ROBO1: variants seen among roughly 807,000 people sequenced by gnomAD.
The protein encoded by ROBO1 is roundabout guidance receptor 1.
Under a neutral mutation model 195.9 loss-of-function variants are expected in ROBO1, and 149 were observed. That is an observed-to-expected ratio of 0.76 (90% CI 0.67 to 0.87). The LOEUF (loss-of-function observed/expected upper bound fraction) is 0.87, where lower values mean the gene tolerates loss of function less well. Among genes scored for constraint, ROBO1 ranks in the 40% least tolerant of loss-of-function variants. The pLI is 0.00. For synonymous variants in ROBO1, 816 were observed against 733.2 expected (o/e 1.11, Z -1.82); for missense variants, 1,933 against 2,068.3 (o/e 0.93, Z 1.27).
chr3:78,995,140 A>G, intron 3 of ROBO1, among the ~76,000 whole-genome samples: 1 of 152,212 alleles, frequency 6.6e-6, no homozygotes, highest in East Asian at 1.9e-4. Flanking sequence ...TGAACAAAGA[A>G]TAATCCAAAT....
intron 1 of ROBO1, among the ~76,000 whole-genome samples, chr3:79,657,733 T>C (rs545527574): frequency 8.7e-4 from 132 of 152,266 alleles, no homozygotes; most frequent in African/African-American, 3.1e-3. Flanking sequence ...AATTTTTATA[T>C]ATAACTTATA....
intron 3 of ROBO1, among the ~76,000 whole-genome samples, chr3:79,049,791 C>A (rs1355583854): frequency 2.0e-5 from 3 of 152,072 alleles, no homozygotes; most frequent in Admixed American, 1.3e-4. Context: ...TCATATCCAG[C>A]CAAACTAAGC....
intron 3 of ROBO1, among the ~76,000 whole-genome samples, chr3:79,027,407 T>A (rs2108292965): frequency 6.6e-6 from 1 of 152,204 alleles, no homozygotes; most frequent in South Asian, 2.1e-4. Context: ...TATAACCTAT[T>A]AATCTATTTC....
intron 2 of ROBO1, among the ~76,000 whole-genome samples, chr3:79,324,361 C>A (rs2034116292): frequency 6.6e-6 from 1 of 152,094 alleles, no homozygotes; most frequent in African/African-American, 2.4e-5. Flanking sequence ...GATATAGAGA[C>A]CACTCTTACA....
intron 22 of ROBO1, 23 bp downstream of exon 22, chr3:78,639,721 C>G (rs1444438212): frequency 6.2e-7 from 1 of 1,601,620 alleles, no homozygotes; most frequent in Non-Finnish European, 8.5e-7. Context: ...TTATACATAT[C>G]AGGCTCTCTC....
chr3:78,628,599 C>T (rs1434301494), intron 25 of ROBO1, among the ~76,000 whole-genome samples: 1 of 152,142 alleles, frequency 6.6e-6, no homozygotes, highest in Non-Finnish European at 1.5e-5. Flanking sequence ...TTCCCTTGTT[C>T]ATTCTCTACC....
At position 79,285,408 on chromosome 3, in the gene ROBO1, C is replaced by T. The variant is rs150146249; in HGVS notation, c.89-159869G>A. 4.6e-3 allele frequency among the ~76,000 whole-genome samples: 706 copies of T among 152,280 alleles called. 5 individuals are homozygous for T. Among genetic ancestry groups the T allele is most frequent in the African/African-American group, 0.016 (678 of 41,556 alleles). On this transcript the variant is annotated intron_variant, in intron 2 of 30. Coordinates refer to ENST00000464233, the MANE Select transcript of ROBO1 (RefSeq NM_002941.4). ...AGGTCAAAGGTTATAAAGTTATAAACATAGAATAGCCCTTGAAACCCAGAA... is the reference window on the plus strand; with the variant it reads ...AGGTCAAAGGTTATAAAGTTATAAATATAGAATAGCCCTTGAAACCCAGAA...
intron 2 of ROBO1, among the ~76,000 whole-genome samples, chr3:79,465,104 C>T (rs906266405): frequency 2.6e-5 from 4 of 152,096 alleles, no homozygotes; most frequent in African/African-American, 9.7e-5. Flanking sequence ...TCAGGCTGGA[C>T]CAACTGCTTT....
intron 3 of ROBO1, among the ~76,000 whole-genome samples, chr3:78,993,990 T>TAA (rs879428125): frequency 1.4e-5 from 2 of 147,466 alleles, no homozygotes; most frequent in Non-Finnish European, 3.0e-5. Context: ...ATACCAGCTT[T>TAA]AAAAAAAAAA....
chr3:79,504,080 T>C (rs1314553079), intron 2 of ROBO1, among the ~76,000 whole-genome samples: 1 of 152,162 alleles, frequency 6.6e-6, no homozygotes, highest in Non-Finnish European at 1.5e-5. Context: ...GCCATATTTT[T>C]AATATTAAAA....
At chr3:78,710,746 T>C (rs1011931171) in intron 8 of ROBO1, among the ~76,000 whole-genome samples, 1 of 152,210 alleles carries the variant, frequency 6.6e-6, no homozygotes, top group African/African-American at 2.4e-5. Context: ...AGCTACACCA[T>C]TATCTTTAAC....
intron 3 of ROBO1, among the ~76,000 whole-genome samples, chr3:79,000,023 T>G (rs1019210653): frequency 6.6e-6 from 1 of 152,250 alleles, no homozygotes; most frequent in South Asian, 2.1e-4. Flanking sequence ...CTTCCTCAAT[T>G]ATTAGACAAT....
intron 2 of ROBO1, among the ~76,000 whole-genome samples, chr3:79,401,477 G>A (rs1278731273): frequency 6.6e-6 from 1 of 151,680 alleles, no homozygotes; most frequent in Admixed American, 6.6e-5. Flanking sequence ...AATAAATGAG[G>A]GAAAATTAAG....
chr3:78,810,096 A>G (rs1051301120), intron 4 of ROBO1, among the ~76,000 whole-genome samples: 1 of 152,208 alleles, frequency 6.6e-6, no homozygotes, highest in Non-Finnish European at 1.5e-5. Context: ...TTTGGACGCA[A>G]AAATGTAAGA....
chr3:78,962,846 A>AC (rs1460427640), intron 3 of ROBO1, among the ~76,000 whole-genome samples: 29 of 150,448 alleles, frequency 1.9e-4, no homozygotes, highest in African/African-American at 7.2e-4. Flanking sequence ...AAAAAAAAAA[A>AC]AAACTTTTCA....
chr3:78,838,846 A>G (rs1341611015), intron 4 of ROBO1, among the ~76,000 whole-genome samples: 1 of 151,830 alleles, frequency 6.6e-6, no homozygotes, highest in African/African-American at 2.4e-5. Flanking sequence ...AGAGAAGGGG[A>G]CTCTCAACCT....
chr3:79,034,688 G>A (rs2078353175), intron 3 of ROBO1, among the ~76,000 whole-genome samples: 1 of 152,028 alleles, frequency 6.6e-6, no homozygotes, highest in Non-Finnish European at 1.5e-5. Context: ...AATAATAACT[G>A]GGAGCTACTT....
At chr3:78,610,380 A>G (rs1025313774) in intron 28 of ROBO1, among the ~76,000 whole-genome samples, 5 of 152,166 alleles carry the variant, frequency 3.3e-5, no homozygotes, top group African/African-American at 1.2e-4. Context: ...CCTAAAGCCA[A>G]GGGACCCAAG....
At chr3:78,708,422 T>A (rs1441491796) in intron 8 of ROBO1, among the ~76,000 whole-genome samples, 1 of 152,094 alleles carries the variant, frequency 6.6e-6, no homozygotes, top group African/African-American at 2.4e-5. Flanking sequence ...TGAAGCTGTA[T>A]TCACCATGCT....
Sources: gnomAD v4.1 joint callset for allele counts (sites outside exome capture counted in the v4.1 genomes callset) on GRCh38, gnomAD v4.1.1 for gene constraint, MANE v1.5 for transcripts, NCBI Gene and HGNC (gene_info 2026-07-23, HGNC 2026-07-21) for gene names.